The following PDE4D variants were observed in gnomAD, a reference collection of about 807,000 sequenced individuals.
The protein encoded by PDE4D is phosphodiesterase 4D.
Under a neutral mutation model 87.4 loss-of-function variants are expected in PDE4D, and 24 were observed. The ratio of observed to expected loss-of-function variants is 0.27; its 90% CI spans 0.20 to 0.39. The LOEUF is 0.39. Ranked by LOEUF, PDE4D falls within the 10% of genes least tolerant of loss-of-function variation. PDE4D has a pLI of 1.00. For missense variants in PDE4D, 714 were observed against 1,041.0 expected, an observed-to-expected ratio of 0.69 and a Z score of 4.32; for synonymous variants, 384 against 383.2, an observed-to-expected ratio of 1.00 and a Z score of -0.02.
At chr5:59,244,453 TATATATATATACATATACATACATTTTA>T (rs1165175247) in intron 1 of PDE4D, among the ~76,000 whole-genome samples, 6 of 61,700 alleles carry the variant, frequency 9.7e-5, no homozygotes, top group Non-Finnish European at 1.6e-4. Flanking sequence ...TACACACACA[TATATATATATACATATACATACATTTTA>T]ATGGTCATAT....
intron 1 of PDE4D, among the ~76,000 whole-genome samples, chr5:59,394,922 G>C (rs1789049587): frequency 6.6e-6 from 1 of 152,148 alleles, no homozygotes; most frequent in South Asian, 2.1e-4. Context: ...CACTCGGGAA[G>C]TGCAAGGGGT....
rs181596425 is a variant in PDE4D at position 59,117,418 on chromosome 5, A to G, written c.808+63177T>C. On this transcript the variant is annotated intron_variant, in intron 5 of 14. Coordinates refer to ENST00000340635, the MANE Select transcript of PDE4D (RefSeq NM_001104631.2). ...CTTTCATGGCCTAAATTTTACCTGG[A>G]CCCTCCACTACAGACGGCCACACTT... is the stretch of plus-strand genomic sequence containing the variant. 1.2e-3 allele frequency among the ~76,000 whole-genome samples: 183 copies of G among 151,932 alleles called. 3 individuals are homozygous for G. In the East Asian group the frequency reaches 0.032, roughly 27 times the overall value.
chr5:60,164,631 C>G (rs977322622), intron 2 of PDE4D, among the ~76,000 whole-genome samples: 11 of 152,156 alleles, frequency 7.2e-5, no homozygotes, highest in African/African-American at 2.7e-4. Context: ...AAAATGAAAA[C>G]TTGCTCACAG....
At chr5:59,193,420 A>T in intron 3 of PDE4D, 80 bp downstream of exon 3, 1 of 1,246,962 alleles carries the variant, frequency 8.0e-7, no homozygotes, top group Non-Finnish European at 1.2e-6. Context: ...AAATTAAATT[A>T]AATTAATAAC....
intron 1 of PDE4D, among the ~76,000 whole-genome samples, chr5:60,412,177 A>G (rs1226419694): frequency 6.6e-6 from 1 of 152,150 alleles, no homozygotes; most frequent in Non-Finnish European, 1.5e-5. Flanking sequence ...ACGTGTCTTC[A>G]AAAGAACACT....
At chr5:60,299,284 A>G (rs1367319396) in intron 1 of PDE4D, among the ~76,000 whole-genome samples, 1 of 152,258 alleles carries the variant, frequency 6.6e-6, no homozygotes, top group African/African-American at 2.4e-5. Flanking sequence ...AATAGGTTCT[A>G]ACTTTGAAAC....
intron 5 of PDE4D, among the ~76,000 whole-genome samples, chr5:59,160,418 T>A (rs1214045090): frequency 6.6e-6 from 1 of 152,200 alleles, no homozygotes; most frequent in Non-Finnish European, 1.5e-5. Context: ...CATCTTATGC[T>A]TGAATATCGC....
intron 1 of PDE4D, among the ~76,000 whole-genome samples, chr5:59,764,017 T>C (rs2150800482): frequency 6.6e-6 from 1 of 152,256 alleles, no homozygotes; most frequent in Admixed American, 6.5e-5. Context: ...ACCAGGAATT[T>C]GAAAGATGTA....
At position 60,439,820 on chromosome 5, in the gene PDE4D, ACT is replaced by A. The variant is rs368942205; in HGVS notation, c.-90+48120_-90+48121del. ...TTTCTCTGCTTTCACTCATCTTCCC[ACT>A]CTCTGTCTTCCATCCATCCTGGGTG... is the stretch of plus-strand genomic sequence containing the variant. On this transcript the variant is annotated intron_variant, in intron 1 of 16. Transcript: ENST00000502484. Among the ~76,000 whole-genome samples, 15 of 150,092 alleles carry A rather than the reference ACT, an allele frequency of 1.0e-4. 1 individual carries two copies. In the East Asian group the frequency reaches 2.8e-3, roughly 28 times the overall value.
At chr5:59,488,575 GTTAC>G (rs1236335564) in intron 1 of PDE4D, among the ~76,000 whole-genome samples, 1 of 151,966 alleles carries the variant, frequency 6.6e-6, no homozygotes, top group Non-Finnish European at 1.5e-5. Context: ...TTAGCAAACA[GTTAC>G]TTAAAGCCAG....
At position 60,082,488 on chromosome 5, in the gene PDE4D, C is replaced by T. The variant is rs563976057; in HGVS notation, c.43-93771G>A. Among the ~76,000 whole-genome samples, 8 of 152,310 alleles carry T rather than the reference C, an allele frequency of 5.3e-5. No homozygotes were observed. In the East Asian group the frequency reaches 1.5e-3, roughly 29 times the overall value. ...TTACAGCAACCCAAACTGACTAGGA[C>T]ACTATAGTCTCCTCACATAGGGCCC... On this transcript the variant is annotated intron_variant, in intron 2 of 16. Coordinates refer to the PDE4D transcript ENST00000502484.
rs1379038702 is a variant in PDE4D, at chr5:59,906,805, G to T, written c.272+81683C>A. On this transcript the variant is annotated intron_variant, in intron 3 of 16. Transcript: ENST00000502484. Reference sequence around the variant, plus strand: ...GGGAGTGTAAATTAGTTCAACCATTGTAGGAAGCAGTGTGATGGTTTCTCA... The same window carrying T: ...GGGAGTGTAAATTAGTTCAACCATTTTAGGAAGCAGTGTGATGGTTTCTCA... 3.3e-5 allele frequency among the ~76,000 whole-genome samples: 5 copies of T among 152,110 alleles called. No individual in the cohort carries two copies. The South Asian group carries it at 6.2e-4, about 19-fold the overall frequency.
intron 1 of PDE4D, among the ~76,000 whole-genome samples, chr5:59,296,969 G>A (rs565770132): frequency 3.9e-5 from 6 of 152,238 alleles, no homozygotes; most frequent in Admixed American, 3.9e-4. Flanking sequence ...AGTTAACTGA[G>A]ATCTGATACT....
intron 1 of PDE4D, among the ~76,000 whole-genome samples, chr5:59,256,170 T>C (rs993266218): frequency 1.3e-5 from 2 of 152,146 alleles, no homozygotes; most frequent in African/African-American, 4.8e-5. Context: ...ACCCCAGTAG[T>C]ATTTTATTGC....
At chr5:59,943,672 G>A (rs990368629) in intron 3 of PDE4D, among the ~76,000 whole-genome samples, 19 of 152,156 alleles carry the variant, frequency 1.2e-4, no homozygotes, top group African/African-American at 4.6e-4. Context: ...CTGACAGCTC[G>A]TGCGGGCAGC....
chr5:59,911,572 C>T lies in PDE4D; in HGVS notation c.272+76916G>A, dbSNP rs545857614. On this transcript the variant is annotated intron_variant, in intron 3 of 16. Coordinates refer to the PDE4D transcript ENST00000502484. ...TTCAGCAGGCTCTGCGTGAATTAAA[C>T]TTTTTCTATTGCAATTCGTTTGTTT... Among the ~76,000 whole-genome samples, 205 of 152,286 alleles carry T rather than the reference C, an allele frequency of 1.3e-3. 1 individual carries two copies. Among genetic ancestry groups the T allele is most frequent in the African/African-American group, 4.5e-3 (188 of 41,554 alleles).
intron 2 of PDE4D, among the ~76,000 whole-genome samples, chr5:60,042,705 C>T (rs1302339030): frequency 6.6e-6 from 1 of 152,142 alleles, no homozygotes; most frequent in African/African-American, 2.4e-5. Context: ...AGCAGAGAGG[C>T]CTGACTGTTA....
At chr5:60,194,543 GA>G (rs1244574749) in intron 1 of PDE4D, among the ~76,000 whole-genome samples, 1 of 151,612 alleles carries the variant, frequency 6.6e-6, no homozygotes, top group Admixed American at 6.6e-5. Context: ...CTCCACCAAT[GA>G]ATCAGAACTT....
intron 1 of PDE4D, among the ~76,000 whole-genome samples, chr5:60,385,030 T>A (rs1407357143): frequency 1.3e-5 from 2 of 152,152 alleles, no homozygotes; most frequent in Non-Finnish European, 2.9e-5. Flanking sequence ...GAACTGTGCT[T>A]TCTAAATTGA....
Sources: gnomAD v4.1 joint callset for allele counts (sites outside exome capture counted in the v4.1 genomes callset) on GRCh38, gnomAD v4.1.1 for gene constraint, MANE v1.5 for transcripts, NCBI Gene and HGNC (gene_info 2026-07-23, HGNC 2026-07-21) for gene names.